Variants in PRLR observed in about 807,000 individuals in gnomAD.
PRLR encodes hPRL receptor.
Under a neutral mutation model 40.2 loss-of-function variants are expected in PRLR, and 13 were observed. The ratio of observed to expected loss-of-function variants is 0.32; its 90% CI spans 0.21 to 0.51. PRLR has a LOEUF of 0.51. PRLR is among the 20% of genes least tolerant of loss of function. PRLR has a pLI of 0.97. For missense variants in PRLR, 656 were observed against 747.3 expected (o/e 0.88, Z 1.42); for synonymous variants, 269 against 278.7 (o/e 0.97, Z 0.35).
At position 35,089,642 on chromosome 5, in the gene PRLR, C is replaced by G; in HGVS notation, c.-22G>C. ...TCATGTTGGCTGCCTTCTCTTGCTG[C>G]AGGAAATGTATCAGAAGTTCACTGG... is the stretch of plus-strand genomic sequence containing the variant. On this transcript the variant is annotated 5_prime_UTR_variant, in exon 3 of 10. Coordinates refer to ENST00000618457, the MANE Select transcript of PRLR (RefSeq NM_000949.7). 6.2e-7 allele frequency: 1 copy of G among 1,613,626 alleles called. No homozygotes were observed. The highest frequency in any genetic ancestry group is 8.5e-7 in the Non-Finnish European group (1 of 1,179,624).
exon 9 of PRLR, chr5:35,049,136 T>C (rs1768385938): frequency 5.7e-6 from 4 of 696,652 alleles, no homozygotes; most frequent in Non-Finnish European, 1.0e-5. Flanking sequence ...GGAGTGATCA[T>C]ATGAGCTGGC....
chr5:35,101,740 AT>A lies in PRLR; in HGVS notation c.-43-12078del, dbSNP rs1771891680. ...TAAATATAAAACATATATAAAACAT[AT>A]ATATAACATATATACATATAAAACA... On this transcript the variant is annotated intron_variant, in intron 2 of 9. Transcript: ENST00000618457. 2.0e-5 allele frequency among the ~76,000 whole-genome samples: 3 copies of A among 148,532 alleles called. No homozygotes were observed. The South Asian group carries it at 6.3e-4, about 31-fold the overall frequency.
chr5:35,121,454 AT>A (rs962997382), intron 1 of PRLR, among the ~76,000 whole-genome samples: 4 of 151,896 alleles, frequency 2.6e-5, no homozygotes, highest in East Asian at 1.9e-4. Context: ...TGACCAATAC[AT>A]TTTTTTTGTC....
chr5:35,140,060 C>A (rs965374574), intron 1 of PRLR, among the ~76,000 whole-genome samples: 5 of 152,158 alleles, frequency 3.3e-5, no homozygotes, highest in Non-Finnish European at 5.9e-5. Context: ...TGACCTCAAG[C>A]TTTTAAGAAA....
At chr5:35,113,649 C>G (rs1772835611) in intron 2 of PRLR, among the ~76,000 whole-genome samples, 1 of 152,198 alleles carries the variant, frequency 6.6e-6, no homozygotes, top group Non-Finnish European at 1.5e-5. Context: ...CAATGTTTTG[C>G]TGAAACAAAC....
At chr5:35,180,267 C>A (rs1775258750) in intron 1 of PRLR, among the ~76,000 whole-genome samples, 1 of 152,168 alleles carries the variant, frequency 6.6e-6, no homozygotes, top group African/African-American at 2.4e-5. Context: ...TGCTGTGTGG[C>A]CTGGTTTCTA....
chr5:35,186,271 A>AT lies in PRLR; in HGVS notation c.-106+43996dup, dbSNP rs537396893. ...GAATTGCACTGGTTTCTTTAAAAAA[A>AT]TTTTTTTTTGCTAGAAAATATAAAG... On this transcript the variant is annotated intron_variant, in intron 1 of 9. Transcript: ENST00000618457. Among the ~76,000 whole-genome samples, 1,051 of 152,020 alleles carry AT rather than the reference A, an allele frequency of 6.9e-3. 15 individuals carry two copies. Among genetic ancestry groups the AT allele is most frequent in the African/African-American group, 0.023 (951 of 41,460 alleles).
At chr5:35,135,623 A>ACCCTGGAGTTTCAGATTGACTC (rs1354832587) in intron 1 of PRLR, among the ~76,000 whole-genome samples, 1 of 152,162 alleles carries the variant, frequency 6.6e-6, no homozygotes, top group Non-Finnish European at 1.5e-5. Flanking sequence ...TGTTTGCCAC[A>ACCCTGGAGTTTCAGATTGACTC]CCCTGGAGTT....
chr5:35,065,901 T>A lies in PRLR; in HGVS notation c.1057A>T (p.Ser353Cys). ...LDPDTDSGRG[S>C]CDSPSLLSEK... ...GACAAAAGGGAAGGGCTGTCACAGC[T>A]CCCCCGGCCTGAGTCAGTGTCAGGA... Residue 353 changes from serine to cysteine, a missense_variant, in exon 10 of 10, where the codon AGC becomes TGC. Physicochemically the swap from Ser to Cys is moderately radical, Grantham distance 112 (BLOSUM62 -1). Coordinates refer to ENST00000618457, the MANE Select transcript of PRLR (RefSeq NM_000949.7). 6.2e-7 allele frequency: 1 copy of A among 1,614,062 alleles called. No homozygotes were observed. The highest frequency in any genetic ancestry group is 8.5e-7 in the Non-Finnish European group (1 of 1,180,016).
intron 1 of PRLR, among the ~76,000 whole-genome samples, chr5:35,213,268 T>C (rs1188824631): frequency 6.6e-6 from 1 of 152,200 alleles, no homozygotes; most frequent in South Asian, 2.1e-4. Context: ...TCGGTCTTAG[T>C]GACAACACAG....
At chr5:35,087,803 C>T (rs909355748) in intron 3 of PRLR, among the ~76,000 whole-genome samples, 4 of 152,250 alleles carry the variant, frequency 2.6e-5, no homozygotes, top group Non-Finnish European at 5.9e-5. Context: ...GACAGCAGAG[C>T]CCTGGGAATT....
chr5:35,225,660 T>C (rs1407214810), intron 1 of PRLR, among the ~76,000 whole-genome samples: 2 of 152,252 alleles, frequency 1.3e-5, no homozygotes, highest in Non-Finnish European at 2.9e-5. Context: ...ACAATCAATA[T>C]AAAAATTGAG....
chr5:35,157,243 T>C (rs1561339114), intron 1 of PRLR, among the ~76,000 whole-genome samples: 1 of 152,142 alleles, frequency 6.6e-6, no homozygotes, highest in Non-Finnish European at 1.5e-5. Context: ...CAATATCTTA[T>C]ATCTGAAATA....
At chr5:35,217,380 A>G (rs565109188) in intron 1 of PRLR, among the ~76,000 whole-genome samples, 1 of 152,338 alleles carries the variant, frequency 6.6e-6, no homozygotes, top group South Asian at 2.1e-4. Flanking sequence ...AGATGTGTGC[A>G]TCTTGTGTGA....
intron 2 of PRLR, among the ~76,000 whole-genome samples, chr5:35,113,378 TATCCATCCATCCATCCATCCATCC>T (rs753971139): frequency 9.5e-6 from 1 of 105,480 alleles, no homozygotes; most frequent in African/African-American, 4.1e-5. Flanking sequence ...CCCACCCATT[TATCCATCCATCCATCCATCCATCC>T]ATCCATCCAT....
At chr5:35,069,528 T>C (rs1326779528) in intron 7 of PRLR, among the ~76,000 whole-genome samples, 2 of 152,336 alleles carry the variant, frequency 1.3e-5, no homozygotes, top group East Asian at 3.9e-4. Flanking sequence ...TGCTGAGGTT[T>C]GGTTTCTTCA....
At chr5:35,122,684 T>C (rs1246833275) in intron 1 of PRLR, among the ~76,000 whole-genome samples, 4 of 152,200 alleles carry the variant, frequency 2.6e-5, no homozygotes, top group Non-Finnish European at 5.9e-5. Context: ...TTGATAGAGA[T>C]TACATATGGC....
chr5:35,048,917 G>A (rs998772363), exon 9 of PRLR: 1 of 353,392 alleles, frequency 2.8e-6, no homozygotes, highest in Non-Finnish European at 5.6e-6. Context: ...CTGGGGATGG[G>A]TAGATATCAT....
intron 1 of PRLR, among the ~76,000 whole-genome samples, chr5:35,155,472 C>A (rs968921810): frequency 1.3e-5 from 2 of 151,904 alleles, no homozygotes; most frequent in Admixed American, 6.6e-5. Flanking sequence ...AAAAAAAAAA[C>A]CCATCGACTA....
Sources: allele counts gnomAD v4.1 joint callset (sites outside exome capture counted in the v4.1 genomes callset), GRCh38; gene constraint gnomAD v4.1.1; transcripts MANE v1.5; gene names NCBI Gene and HGNC (gene_info 2026-07-23, HGNC 2026-07-21).